CLSTN2: variants seen among roughly 807,000 people sequenced by gnomAD.
CLSTN2 encodes the protein calsyntenin 2.
In CLSTN2, 48 loss-of-function variants were observed where a neutral mutation model predicts 101.2. The observed-to-expected ratio is 0.47, with a 90% confidence interval of 0.38 to 0.60. The LOEUF (loss-of-function observed/expected upper bound fraction) is 0.60. CLSTN2 is among the 20% of genes least tolerant of loss of function. The pLI is 0.00. For synonymous variants in CLSTN2, 481 were observed against 463.6 expected (o/e 1.04, Z -0.48); for missense variants, 1,160 against 1,238.2 (o/e 0.94, Z 0.95).
intron 2 of CLSTN2, among the ~76,000 whole-genome samples, chr3:140,286,248 C>A (rs1315358815): frequency 6.6e-6 from 1 of 152,162 alleles, no homozygotes; most frequent in Non-Finnish European, 1.5e-5. Flanking sequence ...GTGTGCTGAG[C>A]CTTTTATTCA....
chr3:140,401,579 A>C (rs1268961883), intron 2 of CLSTN2, among the ~76,000 whole-genome samples: 3 of 152,048 alleles, frequency 2.0e-5, no homozygotes, highest in East Asian at 3.9e-4. Flanking sequence ...AAAACTACTT[A>C]GTTGTGATCA....
intron 1 of CLSTN2, among the ~76,000 whole-genome samples, chr3:140,111,160 T>C (rs1052725627): frequency 4.6e-5 from 7 of 152,180 alleles, no homozygotes; most frequent in African/African-American, 1.7e-4. Flanking sequence ...CAGTCTGCAG[T>C]AGTCCTGTGC....
At chr3:140,130,600 C>T (rs745518070) in intron 1 of CLSTN2, among the ~76,000 whole-genome samples, 8 of 152,114 alleles carry the variant, frequency 5.3e-5, no homozygotes, top group Non-Finnish European at 1.0e-4. Context: ...TGCTTAGAGG[C>T]TCACATTCTT....
intron 2 of CLSTN2, among the ~76,000 whole-genome samples, chr3:140,291,728 A>G (rs2086955924): frequency 6.6e-6 from 1 of 151,536 alleles, no homozygotes; most frequent in Non-Finnish European, 1.5e-5. Context: ...ACTTTAATCC[A>G]ATGCCAAAAG....
At chr3:140,114,846 TC>T (rs1356269511) in intron 1 of CLSTN2, among the ~76,000 whole-genome samples, 1 of 152,066 alleles carries the variant, frequency 6.6e-6, no homozygotes, top group Non-Finnish European at 1.5e-5. Context: ...CTCTGCCCCC[TC>T]CCCCCATTTC....
At chr3:140,341,355 G>A (rs574565528) in intron 2 of CLSTN2, among the ~76,000 whole-genome samples, 2 of 152,298 alleles carry the variant, frequency 1.3e-5, no homozygotes, top group Non-Finnish European at 2.9e-5. Flanking sequence ...TTCCTGCTAA[G>A]TGTGCCTCTG....
intron 1 of CLSTN2, among the ~76,000 whole-genome samples, chr3:140,117,635 T>A (rs576068049): frequency 1.3e-5 from 2 of 152,282 alleles, no homozygotes; most frequent in East Asian, 3.9e-4. Flanking sequence ...CTGCCCCTTT[T>A]CCTTTTAATG....
chr3:140,088,460 A>G (rs2008715428), intron 1 of CLSTN2, among the ~76,000 whole-genome samples: 1 of 152,174 alleles, frequency 6.6e-6, no homozygotes, highest in South Asian at 2.1e-4. Flanking sequence ...TTTTTAATCT[A>G]GAATCCAGCT....
At chr3:140,365,504 T>C (rs1385408257) in intron 2 of CLSTN2, among the ~76,000 whole-genome samples, 1 of 152,188 alleles carries the variant, frequency 6.6e-6, no homozygotes, top group Non-Finnish European at 1.5e-5. Context: ...TGCACAGCCC[T>C]GTACCATTGA....
At chr3:140,027,418 C>T (rs2007443781) in intron 1 of CLSTN2, among the ~76,000 whole-genome samples, 1 of 152,088 alleles carries the variant, frequency 6.6e-6, no homozygotes, top group Non-Finnish European at 1.5e-5. Context: ...CAATGAATGC[C>T]AAGCTCCACC....
At chr3:140,344,121 A>G (rs2087518309) in intron 2 of CLSTN2, among the ~76,000 whole-genome samples, 2 of 152,182 alleles carry the variant, frequency 1.3e-5, no homozygotes, top group Admixed American at 6.5e-5. Flanking sequence ...CAGTAATGCT[A>G]CATAACAAGC....
rs1407615000 is a variant in CLSTN2, at chr3:140,568,931, G to GAAAC, written c.*2680_*2683dup. The stretch of plus-strand genomic sequence containing the variant: ...TTTGGTTGGTGGACTCATTTGCAGA[G>GAAAC]AAACAGTGGTGACAACAAATCAGAG... On this transcript the variant is annotated 3_prime_UTR_variant, in exon 17 of 17. Transcript: ENST00000458420. The GAAAC allele has an allele frequency of 6.6e-6, 1 of 152,158 alleles. No homozygotes were observed. Among genetic ancestry groups the GAAAC allele is most frequent in the Non-Finnish European group, 1.5e-5 (1 of 68,044 alleles). The allele number at this position is 152,158 out of a possible 1,614,324, so 9.4% of individuals were successfully genotyped here. A position where few individuals can be genotyped will look rare whatever the true frequency, so the allele number is the denominator to read the frequency against.
intron 2 of CLSTN2, among the ~76,000 whole-genome samples, chr3:140,369,752 C>G (rs1026777): frequency 0.43 from 65,401 of 151,804 alleles, 14,807 homozygotes; most frequent in Non-Finnish European, 0.5. Context: ...TCACTCATTT[C>G]TTACCTAGCC....
At chr3:140,033,215 T>C (rs930794291) in intron 1 of CLSTN2, among the ~76,000 whole-genome samples, 6 of 152,198 alleles carry the variant, frequency 3.9e-5, no homozygotes, top group Non-Finnish European at 8.8e-5. Context: ...ACAGACCTTC[T>C]GTGTAGACGG....
intron 1 of CLSTN2, among the ~76,000 whole-genome samples, chr3:140,033,092 G>A (rs974459335): frequency 3.9e-5 from 6 of 152,150 alleles, no homozygotes; most frequent in East Asian, 1.9e-4. Context: ...AATGATACTC[G>A]CTTCATAGAG....
intron 9 of CLSTN2, among the ~76,000 whole-genome samples, chr3:140,541,668 C>T (rs767958198): frequency 6.6e-6 from 1 of 152,190 alleles, no homozygotes. Flanking sequence ...CGGCATCACC[C>T]CTGCCAGGGC....
chr3:140,061,705 C>G (rs2008207660), intron 1 of CLSTN2, among the ~76,000 whole-genome samples: 1 of 152,196 alleles, frequency 6.6e-6, no homozygotes, highest in Admixed American at 6.5e-5. Context: ...TGCAGTTTAC[C>G]CAGGGCAGGA....
chr3:140,224,691 CCTT>C (rs1455529411), intron 2 of CLSTN2, among the ~76,000 whole-genome samples: 3 of 152,092 alleles, frequency 2.0e-5, no homozygotes, highest in African/African-American at 7.2e-5. Context: ...ATAATATAGA[CCTT>C]CTGTGCCCAG....
intron 8 of CLSTN2, among the ~76,000 whole-genome samples, chr3:140,497,688 G>A (rs979291904): frequency 6.6e-6 from 1 of 152,142 alleles, no homozygotes; most frequent in East Asian, 1.9e-4. Context: ...GGAGTGTACG[G>A]ATGGATCTCC....
Sources: allele counts gnomAD v4.1 joint callset (sites outside exome capture counted in the v4.1 genomes callset), GRCh38; gene constraint gnomAD v4.1.1; transcripts MANE v1.5; gene names NCBI Gene and HGNC (gene_info 2026-07-23, HGNC 2026-07-21).